CTTNBP2NL: variants seen among roughly 807,000 people sequenced by gnomAD.
CTTNBP2NL encodes CTTNBP2 N-terminal-like protein.
A neutral mutation model predicts 32.5 loss-of-function variants in CTTNBP2NL; 16 were observed. That is an observed-to-expected ratio of 0.49 (90% confidence interval 0.33 to 0.75). CTTNBP2NL has a LOEUF of 0.75. CTTNBP2NL is among the 30% of genes least tolerant of loss of function. The probability of loss-of-function intolerance (pLI) is 0.02; values close to 1 mark genes in which losing one functional copy is unlikely to be tolerated. For synonymous variants in CTTNBP2NL, 298 were observed against 289.4 expected (o/e 1.03, Z -0.30); for missense variants, 645 against 756.0 (o/e 0.85, Z 1.72).
chr1:112,428,725 C>G (rs1649475412), intron 3 of CTTNBP2NL, among the ~76,000 whole-genome samples: 1 of 152,082 alleles, frequency 6.6e-6, no homozygotes, highest in Non-Finnish European at 1.5e-5. Context: ...TTGTGTTTTA[C>G]TATACTATAA....
upstream of CTTNBP2NL, among the ~76,000 whole-genome samples, chr1:112,393,403 T>C (rs1414217624): frequency 6.6e-6 from 1 of 152,228 alleles, no homozygotes; most frequent in African/African-American, 2.4e-5. Flanking sequence ...GCACTTTAAG[T>C]TGTTGCCTGA....
intron 1 of CTTNBP2NL, among the ~76,000 whole-genome samples, chr1:112,410,626 CTG>C (rs1327839198): frequency 2.0e-5 from 3 of 152,124 alleles, no homozygotes; most frequent in Non-Finnish European, 4.4e-5. Context: ...GATTTATAGA[CTG>C]TAGCATTCCT....
chr1:112,391,311 A>C (rs1295494020), upstream of CTTNBP2NL, among the ~76,000 whole-genome samples: 1 of 152,184 alleles, frequency 6.6e-6, no homozygotes, highest in Non-Finnish European at 1.5e-5. Flanking sequence ...AAAAGGAGAT[A>C]GTGAAGACAA....
At chr1:112,434,855 T>G (rs1046114598) in intron 3 of CTTNBP2NL, among the ~76,000 whole-genome samples, 1 of 152,104 alleles carries the variant, frequency 6.6e-6, no homozygotes, top group African/African-American at 2.4e-5. Context: ...ATAAAAAGTA[T>G]GTCCAGGCTG....
chr1:112,458,017 A>G lies in CTTNBP2NL; in HGVS notation c.*605A>G, dbSNP rs986579864. 1 of 152,770 alleles carries G rather than the reference A, an allele frequency of 6.5e-6. No individual in the cohort carries two copies. Among genetic ancestry groups the G allele is most frequent in the Non-Finnish European group, 1.5e-5 (1 of 68,142 alleles). 9.5% of individuals were successfully genotyped at this position (152,770 alleles called of 1,614,324 possible). On this transcript the variant is annotated 3_prime_UTR_variant, in exon 6 of 6. Coordinates refer to ENST00000271277, the MANE Select transcript of CTTNBP2NL (RefSeq NM_018704.3). ...TAAAGGTGGGTGTGAACTCACCACA[A>G]GCTGAGCTTTATAGAGCCCTTGAGA...
intron 3 of CTTNBP2NL, among the ~76,000 whole-genome samples, chr1:112,420,188 C>G (rs1250318456): frequency 6.6e-6 from 1 of 150,748 alleles, no homozygotes; most frequent in African/African-American, 2.4e-5. Flanking sequence ...CTCTGTTGCC[C>G]AGGCTGGAGT....
intron 3 of CTTNBP2NL, among the ~76,000 whole-genome samples, chr1:112,428,345 A>G (rs905128500): frequency 3.9e-5 from 6 of 152,218 alleles, no homozygotes; most frequent in African/African-American, 1.4e-4. Context: ...CCCAAAGAAG[A>G]TACTTTAGCC....
At chr1:112,392,348 C>T (rs1032328871), upstream of CTTNBP2NL, among the ~76,000 whole-genome samples, 2 of 152,248 alleles carry the variant, frequency 1.3e-5, no homozygotes, top group Admixed American at 1.3e-4. Flanking sequence ...TAATGCTTAG[C>T]ACATAATTTG....
chr1:112,417,913 A>G (rs1258191883), intron 3 of CTTNBP2NL, among the ~76,000 whole-genome samples: 10 of 152,262 alleles, frequency 6.6e-5, no homozygotes, highest in Non-Finnish European at 1.0e-4. Context: ...TTTTTGCTTA[A>G]CAATAAACAC....
intron 3 of CTTNBP2NL, among the ~76,000 whole-genome samples, chr1:112,432,181 T>C (rs2483348): frequency 0.55 from 82,863 of 149,566 alleles, 24,063 homozygotes; most frequent in South Asian, 0.71. Flanking sequence ...TCACACCATT[T>C]TCCTGCCTCA....
At chr1:112,399,775 T>C (rs1570710779) in intron 1 of CTTNBP2NL, among the ~76,000 whole-genome samples, 1 of 152,120 alleles carries the variant, frequency 6.6e-6, no homozygotes, top group South Asian at 2.1e-4. Context: ...ATTTTAAAAT[T>C]TCTGAATATT....
At chr1:112,426,502 G>A (rs955820896) in intron 3 of CTTNBP2NL, among the ~76,000 whole-genome samples, 2 of 151,438 alleles carry the variant, frequency 1.3e-5, no homozygotes, top group African/African-American at 2.4e-5. Flanking sequence ...GACCAGCTTG[G>A]GCAATATAGC....
chr1:112,454,664 C>A, intron 5 of CTTNBP2NL, 108 bp downstream of exon 5: 2 of 830,598 alleles, frequency 2.4e-6, no homozygotes, highest in Non-Finnish European at 2.0e-6. Context: ...GCTTTGTGGT[C>A]AAATAAGTTT....
chr1:112,432,267 G>A (rs899029447), intron 3 of CTTNBP2NL, among the ~76,000 whole-genome samples: 19 of 151,766 alleles, frequency 1.3e-4, no homozygotes, highest in African/African-American at 4.6e-4. Context: ...TAGAGACAGG[G>A]TTTCACCGTG....
At chr1:112,412,155 T>C (rs1331937219) in intron 1 of CTTNBP2NL, 39 bp from the exon 2 acceptor site, 1 of 152,210 alleles carries the variant, frequency 6.6e-6, no homozygotes, top group East Asian at 1.9e-4. Context: ...TTGTTTATAG[T>C]ATAATCACAT....
intron 3 of CTTNBP2NL, among the ~76,000 whole-genome samples, chr1:112,437,979 G>A (rs1156321830): frequency 1.3e-5 from 2 of 152,074 alleles, no homozygotes; most frequent in African/African-American, 4.8e-5. Context: ...ATCAATTTTT[G>A]CTTCTGTTGC....
At chr1:112,391,538 G>A (rs766565586), upstream of CTTNBP2NL, among the ~76,000 whole-genome samples, 1 of 152,122 alleles carries the variant, frequency 6.6e-6, no homozygotes, top group African/African-American at 2.4e-5. Flanking sequence ...ATGTACATCA[G>A]ATCGCTTGGA....
upstream of CTTNBP2NL, among the ~76,000 whole-genome samples, chr1:112,395,882 G>A (rs540694083): frequency 1.8e-4 from 28 of 152,334 alleles, no homozygotes; most frequent in South Asian, 1.0e-3. Context: ...TCCGCGTACA[G>A]TCAGGTAAAA....
rs1650478285 is a variant in CTTNBP2NL, at chr1:112,459,383, C to T, written c.*1971C>T. On this transcript the variant is annotated 3_prime_UTR_variant, in exon 6 of 6. Transcript: ENST00000271277. Reference sequence around the variant, plus strand: ...CATACAGGAGAGGCCTTGGTGTCTTCACATACATTCTCTGAGCCAACATCT... The same window carrying T: ...CATACAGGAGAGGCCTTGGTGTCTTTACATACATTCTCTGAGCCAACATCT... 1.3e-5 allele frequency: 2 copies of T among 152,238 alleles called. No homozygotes were observed. The highest frequency in any genetic ancestry group is 2.9e-5 in the Non-Finnish European group (2 of 68,048). The allele number at this position is 152,238 out of a possible 1,614,324, so 9.4% of individuals were successfully genotyped here.
Sources: gnomAD v4.1 joint callset for allele counts (sites outside exome capture counted in the v4.1 genomes callset) on GRCh38, gnomAD v4.1.1 for gene constraint, MANE v1.5 for transcripts, NCBI Gene and HGNC (gene_info 2026-07-23, HGNC 2026-07-21) for gene names.